DENND1A: variants seen among roughly 807,000 people sequenced by gnomAD.
DENND1A encodes DENN domain-containing protein 1A.
DENND1A carries 51 observed loss-of-function variants against 113.7 expected under a neutral mutation model. That is an observed-to-expected ratio of 0.45 (90% confidence interval 0.36 to 0.57). DENND1A has a LOEUF of 0.57. DENND1A is among the 20% of genes least tolerant of loss of function. The pLI is 0.00. For synonymous variants in DENND1A, 565 were observed against 570.8 expected (o/e 0.99, Z 0.14); for missense variants, 1,258 against 1,395.9 (o/e 0.90, Z 1.57).
intron 13 of DENND1A, among the ~76,000 whole-genome samples, chr9:123,514,893 A>G (rs966577914): frequency 1.3e-5 from 2 of 152,216 alleles, no homozygotes; most frequent in African/African-American, 4.8e-5. Context: ...AAAAGGAACC[A>G]GGACTCACGG....
intron 18 of DENND1A, 65 bp downstream of exon 18, chr9:123,450,628 T>C (rs2047648804): frequency 7.3e-7 from 1 of 1,372,562 alleles, no homozygotes; most frequent in Non-Finnish European, 1.0e-6. Flanking sequence ...GATCCCCTCA[T>C]ACTTTTTTGT....
At chr9:123,658,094 A>G (rs1261520163) in intron 8 of DENND1A, among the ~76,000 whole-genome samples, 3 of 152,182 alleles carry the variant, frequency 2.0e-5, no homozygotes, top group East Asian at 1.9e-4. Flanking sequence ...GAGTTCATAA[A>G]TCTTTTCTAT....
intron 2 of DENND1A, among the ~76,000 whole-genome samples, chr9:123,831,895 A>ATTC (rs1840277832): frequency 6.6e-6 from 1 of 152,058 alleles, no homozygotes; most frequent in Admixed American, 6.6e-5. Context: ...AGGCAGGAGA[A>ATTC]TCTCTTGAAC....
At chr9:123,609,555 T>C (rs756882632) in intron 10 of DENND1A, 74 bp from the exon 11 acceptor site, 46 of 1,533,316 alleles carry the variant, frequency 3.0e-5, no homozygotes, top group Non-Finnish European at 4.1e-5. Flanking sequence ...GATGGTTCAC[T>C]ATTTGGAGAA....
chr9:123,884,116 G>A (rs559724825), intron 1 of DENND1A, among the ~76,000 whole-genome samples: 3 of 152,144 alleles, frequency 2.0e-5, no homozygotes, highest in African/African-American at 4.8e-5. Flanking sequence ...TCCTCTAAAT[G>A]CAAATAGCCA....
intron 1 of DENND1A, among the ~76,000 whole-genome samples, chr9:123,904,031 G>C (rs553277406): frequency 3.7e-4 from 56 of 151,944 alleles, no homozygotes; most frequent in African/African-American, 1.2e-3. Context: ...ATCTGAGAAC[G>C]GGCAGACTGC....
intron 18 of DENND1A, among the ~76,000 whole-genome samples, chr9:123,441,871 A>G (rs915862513): frequency 1.3e-5 from 2 of 152,254 alleles, no homozygotes. Context: ...TGCACATGAG[A>G]AACTTGATAC....
At chr9:123,698,624 TACA>T (rs766040877) in intron 5 of DENND1A, among the ~76,000 whole-genome samples, 28 of 152,360 alleles carry the variant, frequency 1.8e-4, no homozygotes, top group South Asian at 1.7e-3. Flanking sequence ...TCCTTCGTTT[TACA>T]ACATGAGTCT....
intron 1 of DENND1A, among the ~76,000 whole-genome samples, chr9:123,881,190 T>C (rs1380438397): frequency 6.6e-6 from 1 of 152,164 alleles, no homozygotes; most frequent in Non-Finnish European, 1.5e-5. Context: ...AAAAATTAAG[T>C]AAACTGAAGT....
intron 13 of DENND1A, among the ~76,000 whole-genome samples, chr9:123,467,610 G>A (rs1055245399): frequency 2.6e-5 from 4 of 152,096 alleles, no homozygotes; most frequent in Admixed American, 6.5e-5. Context: ...AGCCGAGATC[G>A]CGCCACTGCA....
At chr9:123,900,754 T>C (rs1242362773) in intron 1 of DENND1A, among the ~76,000 whole-genome samples, 4 of 152,196 alleles carry the variant, frequency 2.6e-5, no homozygotes, top group African/African-American at 9.6e-5. Flanking sequence ...ACTTACTTCA[T>C]AGGATTATGG....
chr9:123,803,211 T>C (rs1834996652), intron 2 of DENND1A, among the ~76,000 whole-genome samples: 1 of 152,214 alleles, frequency 6.6e-6, no homozygotes, highest in Non-Finnish European at 1.5e-5. Flanking sequence ...CTGTTTCATG[T>C]ATACTTGGAA....
At position 123,440,372 on chromosome 9, in the gene DENND1A, G is replaced by A; in HGVS notation, c.1476C>T (p.Val492=). The part of the protein sequence containing the change: ...KLREDRRPIT[V]HFGQLQRLRP... ...CCAGGGTACACACCTGTCCAAAGTGGACTGTGATTGGCCGCCGGTCTTCTC... is the reference window on the plus strand; with the variant it reads ...CCAGGGTACACACCTGTCCAAAGTGAACTGTGATTGGCCGCCGGTCTTCTC... The change falls in exon 19 of 24, where the codon GTC becomes GTT. Residue 492 remains valine, a synonymous_variant. Transcript: ENST00000394215. 6.2e-7 allele frequency: 1 copy of A among 1,602,598 alleles called. No homozygotes were observed. The highest frequency in any genetic ancestry group is 1.4e-5 in the African/African-American group (1 of 73,576).
Position 123,827,392 on chromosome 9 carries a change from A to AT in DENND1A, c.89-34763_89-34762insA, listed in dbSNP as rs1564348811. Among the ~76,000 whole-genome samples the AT allele has an allele frequency of 5.1e-3, 724 of 140,774 alleles. 2 individuals are homozygous for AT. The highest frequency in any genetic ancestry group is 8.3e-3 in the Non-Finnish European group (537 of 64,676). The allele number at this position is 140,774 out of a possible 152,430, so 92.4% of individuals were successfully genotyped here. The stretch of plus-strand genomic sequence containing the variant: ...TGAATAATTTCATTAATGGATATAT[A>AT]ATATATATATATATATATATATATA... On this transcript the variant is annotated intron_variant, in intron 2 of 23. Coordinates refer to ENST00000394215, the MANE Select transcript of DENND1A (RefSeq NM_001352964.2).
intron 3 of DENND1A, among the ~76,000 whole-genome samples, chr9:123,778,700 CA>C (rs1304835208): frequency 3.9e-5 from 6 of 152,088 alleles, no homozygotes; most frequent in African/African-American, 1.4e-4. Context: ...ATAGGCCATA[CA>C]AAATCCAGCC....
chr9:123,552,020 A>AGAGAGAGAGAGAGAGACAGC (rs1564702897), intron 13 of DENND1A, among the ~76,000 whole-genome samples: 8 of 125,370 alleles, frequency 6.4e-5, no homozygotes, highest in African/African-American at 3.1e-4. Flanking sequence ...AGCGAGAGCG[A>AGAGAGAGAGAGAGAGACAGC]GAGAGAGAGA....
chr9:123,783,152 G>A (rs914272441), intron 3 of DENND1A, among the ~76,000 whole-genome samples: 6 of 151,976 alleles, frequency 3.9e-5, no homozygotes, highest in African/African-American at 1.5e-4. Flanking sequence ...TTTCACAACT[G>A]GAATAAAATA....
At chr9:123,904,868 T>C (rs1275549030) in intron 1 of DENND1A, among the ~76,000 whole-genome samples, 1 of 152,046 alleles carries the variant, frequency 6.6e-6, no homozygotes, top group African/African-American at 2.4e-5. Context: ...GCCACACAGA[T>C]ACTCCTTGAG....
intron 2 of DENND1A, among the ~76,000 whole-genome samples, chr9:123,831,210 C>T (rs1840161993): frequency 6.6e-6 from 1 of 151,928 alleles, no homozygotes; most frequent in Non-Finnish European, 1.5e-5. Flanking sequence ...GCAGAGAACA[C>T]TAAATACCCA....
Sources: allele counts gnomAD v4.1 joint callset (sites outside exome capture counted in the v4.1 genomes callset), GRCh38; gene constraint gnomAD v4.1.1; transcripts MANE v1.5; gene names NCBI Gene and HGNC (gene_info 2026-07-23, HGNC 2026-07-21).